KCNIP4: variants seen among roughly 807,000 people sequenced by gnomAD.
KCNIP4 encodes the protein potassium voltage-gated channel interacting protein 4, also known as Kv channel-interacting protein 4.
Under a neutral mutation model 34.0 loss-of-function variants are expected in KCNIP4, and 12 were observed. The ratio of observed to expected loss-of-function variants is 0.35; its 90% CI spans 0.23 to 0.57. KCNIP4 has a LOEUF of 0.57. KCNIP4 is among the 20% of genes least tolerant of loss of function. KCNIP4 has a pLI of 0.83. For synonymous variants in KCNIP4, 124 were observed against 102.2 expected (o/e 1.21, Z -1.29); for missense variants, 238 against 311.7 (o/e 0.76, Z 1.78).
chr4:21,593,219 C>T (rs1432655136), intron 1 of KCNIP4, among the ~76,000 whole-genome samples: 1 of 151,842 alleles, frequency 6.6e-6, no homozygotes, highest in Non-Finnish European at 1.5e-5. Flanking sequence ...TGTTTGTGTA[C>T]ACACATTGGA....
rs1034508159 is a variant in KCNIP4 at position 20,729,515 on chromosome 4, A to C, written c.*567T>G. The C allele has an allele frequency of 2.4e-5, 3 of 123,256 alleles. No homozygotes were observed. Among genetic ancestry groups the C allele is most frequent in the Non-Finnish European group, 5.6e-5 (3 of 53,660 alleles). 7.6% of individuals were successfully genotyped at this position (123,256 alleles called of 1,614,324 possible). A position where few individuals can be genotyped will look rare whatever the true frequency, so the allele number is the denominator to read the frequency against. Reference sequence around the variant, plus strand: ...TAATTTTTAAATGTTTAAAAATGCCAGATAAAACTAATTTCTAACAGAAGG... The same window carrying C: ...TAATTTTTAAATGTTTAAAAATGCCCGATAAAACTAATTTCTAACAGAAGG... On this transcript the variant is annotated 3_prime_UTR_variant, in exon 9 of 9. Coordinates refer to ENST00000382152, the MANE Select transcript of KCNIP4 (RefSeq NM_025221.6).
intron 3 of KCNIP4, among the ~76,000 whole-genome samples, chr4:20,827,801 T>TC (rs1717933834): frequency 1.3e-5 from 1 of 77,470 alleles, no homozygotes. Flanking sequence ...AAATTACCCA[T>TC]CCCCCTCAAA....
rs145411967 is a variant in KCNIP4, at chr4:21,582,174, T to C, written c.61+366397A>G. ...TTATTACAATTAGTATGTACATGTG[T>C]GTGTGCTGTACTATAATGTAAAATA... On this transcript the variant is annotated intron_variant, in intron 1 of 8. Coordinates refer to ENST00000382152, the MANE Select transcript of KCNIP4 (RefSeq NM_025221.6). The C allele has an allele frequency of 1.2e-3, 179 of 150,900 alleles. 1 individual carries two copies. The highest frequency in any genetic ancestry group is 4.2e-3 in the African/African-American group (171 of 41,168). 9.3% of individuals were successfully genotyped at this position (150,900 alleles called of 1,614,324 possible). A position where few individuals can be genotyped will look rare whatever the true frequency, so the allele number is the denominator to read the frequency against.
intron 1 of KCNIP4, among the ~76,000 whole-genome samples, chr4:21,544,922 C>T (rs1239763178): frequency 6.6e-6 from 1 of 151,804 alleles, no homozygotes; most frequent in Non-Finnish European, 1.5e-5. Flanking sequence ...TTTAAGTTGT[C>T]GGAGGCATTT....
At chr4:21,816,938 T>G (rs1023689308) in intron 1 of KCNIP4, among the ~76,000 whole-genome samples, 1 of 152,196 alleles carries the variant, frequency 6.6e-6, no homozygotes, top group Non-Finnish European at 1.5e-5. Flanking sequence ...ACAATAGCAT[T>G]TAGCTTTAAA....
chr4:21,015,749 G>T lies in KCNIP4; in HGVS notation c.62-133040C>A, dbSNP rs558549188. Among the ~76,000 whole-genome samples the T allele has an allele frequency of 5.5e-3, 705 of 127,818 alleles. 14 individuals are homozygous for T. The highest frequency in any genetic ancestry group is 0.02 in the African/African-American group (667 of 34,068). 83.9% of individuals were successfully genotyped at this position (127,818 alleles called of 152,430 possible). A position where few individuals can be genotyped will look rare whatever the true frequency, so the allele number is the denominator to read the frequency against. Reference sequence around the variant, plus strand: ...TTTCTAGATATATATTATATAATATGATATATAAATATATACAATATACAT... The same window carrying T: ...TTTCTAGATATATATTATATAATATTATATATAAATATATACAATATACAT... On this transcript the variant is annotated intron_variant, in intron 1 of 8. Transcript: ENST00000382152.
chr4:21,885,549 G>A (rs1020834341), intron 1 of KCNIP4, among the ~76,000 whole-genome samples: 38 of 151,982 alleles, frequency 2.5e-4, no homozygotes, highest in African/African-American at 6.3e-4. Context: ...CTTGCCACGG[G>A]TTCTATTCAC....
chr4:21,432,324 C>T (rs1300982572), intron 1 of KCNIP4, among the ~76,000 whole-genome samples: 1 of 151,412 alleles, frequency 6.6e-6, no homozygotes, highest in African/African-American at 2.4e-5. Context: ...GCCCGATAAA[C>T]ATTGTTAGTC....
At chr4:21,096,851 T>A (rs990577649) in intron 1 of KCNIP4, among the ~76,000 whole-genome samples, 3 of 151,970 alleles carry the variant, frequency 2.0e-5, no homozygotes, top group Non-Finnish European at 4.4e-5. Context: ...GATCAGAAAA[T>A]CTCATGAGCA....
intron 1 of KCNIP4, among the ~76,000 whole-genome samples, chr4:21,342,452 G>T: frequency 6.6e-6 from 1 of 152,126 alleles, no homozygotes; most frequent in Non-Finnish European, 1.5e-5. Context: ...TGTCACTATT[G>T]CTCACTAGAG....
chr4:20,882,512 T>A (rs1724806351), intron 2 of KCNIP4, 96 bp downstream of exon 2: 6 of 813,470 alleles, frequency 7.4e-6, no homozygotes, highest in Admixed American at 2.3e-5. Flanking sequence ...TTTTGTAGAA[T>A]ATACTGATTC....
At chr4:21,639,357 C>G (rs1298621128) in intron 1 of KCNIP4, among the ~76,000 whole-genome samples, 1 of 152,024 alleles carries the variant, frequency 6.6e-6, no homozygotes, top group Non-Finnish European at 1.5e-5. Context: ...TAAGACCCAA[C>G]AAAAAGACAC....
chr4:21,912,999 G>A lies in KCNIP4; in HGVS notation c.61+35572C>T, dbSNP rs551272720. Among the ~76,000 whole-genome samples the A allele has an allele frequency of 5.3e-5, 8 of 151,982 alleles. No homozygotes were observed. The East Asian group carries it at 1.6e-3, about 29-fold the overall frequency. On this transcript the variant is annotated intron_variant, in intron 1 of 8. Coordinates refer to ENST00000382152, the MANE Select transcript of KCNIP4 (RefSeq NM_025221.6). ...AGTGGGGGCTATTGTGGTAATCTAG[G>A]TAATAATGGTGGGTTAGACCATCTA...
chr4:21,717,068 T>C lies in KCNIP4; in HGVS notation c.61+231503A>G, dbSNP rs554894748. Among the ~76,000 whole-genome samples the C allele has an allele frequency of 9.2e-5, 14 of 152,290 alleles. No homozygotes were observed. The East Asian group carries it at 2.5e-3, about 27-fold the overall frequency. On this transcript the variant is annotated intron_variant, in intron 1 of 8. Transcript: ENST00000382152. The stretch of plus-strand genomic sequence containing the variant: ...TCTCACCTTTCTCTCTTACACTCAT[T>C]ATTGTCATAGTGTTTCTCAAACTCA...
chr4:21,135,816 T>A (rs1241610314), intron 1 of KCNIP4, among the ~76,000 whole-genome samples: 1 of 152,112 alleles, frequency 6.6e-6, no homozygotes, highest in African/African-American at 2.4e-5. Context: ...TTGGGTCAGC[T>A]CTTGAATATC....
At chr4:20,930,937 T>C (rs1222356594) in intron 1 of KCNIP4, among the ~76,000 whole-genome samples, 2 of 151,748 alleles carry the variant, frequency 1.3e-5, no homozygotes, top group Non-Finnish European at 2.9e-5. Context: ...GTAGTCATTA[T>C]GGAAAACAGT....
rs141029560 is a variant in KCNIP4 at position 21,688,176 on chromosome 4, T to A, written c.61+260395A>T. On this transcript the variant is annotated intron_variant, in intron 1 of 8. Coordinates refer to ENST00000382152, the MANE Select transcript of KCNIP4 (RefSeq NM_025221.6). The stretch of plus-strand genomic sequence containing the variant: ...ACACACTGTGTTTGGGTACAGCTGG[T>A]TAATTAAGTATTACCGGTTGAGTAT... Among the ~76,000 whole-genome samples, 401 of 152,274 alleles carry A rather than the reference T, an allele frequency of 2.6e-3. 1 individual carries two copies. The highest frequency in any genetic ancestry group is 7.7e-3 in the African/African-American group (320 of 41,538).
intron 1 of KCNIP4, among the ~76,000 whole-genome samples, chr4:21,349,846 C>T (rs1053983716): frequency 6.6e-6 from 1 of 152,102 alleles, no homozygotes; most frequent in Non-Finnish European, 1.5e-5. Flanking sequence ...GGGGTACAAG[C>T]ACAAGGGCTA....
chr4:20,738,726 T>C (rs1392230747), intron 5 of KCNIP4, among the ~76,000 whole-genome samples: 1 of 152,158 alleles, frequency 6.6e-6, no homozygotes, highest in Admixed American at 6.5e-5. Flanking sequence ...ACCAGGTTCA[T>C]CTAAACTGGG....
Sources: allele counts gnomAD v4.1 joint callset (sites outside exome capture counted in the v4.1 genomes callset), GRCh38; gene constraint gnomAD v4.1.1; transcripts MANE v1.5; gene names NCBI Gene and HGNC (gene_info 2026-07-23, HGNC 2026-07-21).